The following PPARA variants were observed in gnomAD, a reference collection of about 807,000 sequenced individuals.
PPARA encodes peroxisome proliferator-activated receptor alpha.
Under a neutral mutation model 42.2 loss-of-function variants are expected in PPARA, and 22 were observed. The ratio of observed to expected loss-of-function variants is 0.52; its 90% confidence interval spans 0.37 to 0.74. The LOEUF is 0.74. Ranked by LOEUF, PPARA falls within the 30% of genes least tolerant of loss-of-function variation. The pLI is 0.00. For missense variants in PPARA, 465 were observed against 608.2 expected (o/e 0.76, Z 2.48); for synonymous variants, 242 against 239.3 (o/e 1.01, Z -0.10).
intron 3 of PPARA, among the ~76,000 whole-genome samples, chr22:46,194,568 CTTT>C (rs1158744441): frequency 4.8e-5 from 6 of 125,496 alleles, no homozygotes; most frequent in Admixed American, 8.6e-5. Flanking sequence ...TTGCTTTTTC[CTTT>C]TTTTTTTTTT....
Position 46,200,270 on chromosome 22 carries a change from A to C in PPARA, c.208+1679A>C, listed in dbSNP as rs940930183. 6.6e-6 allele frequency among the ~76,000 whole-genome samples: 1 copy of C among 152,200 alleles called. No individual in the cohort carries two copies. Among genetic ancestry groups the C allele is most frequent in the Non-Finnish European group, 1.5e-5 (1 of 68,036 alleles). On this transcript the variant is annotated intron_variant, in intron 4 of 8. Transcript: ENST00000407236. The surrounding 1 kb of genome is among the most constrained non-coding windows in gnomAD (Gnocchi z 4.8). ...ACAGTCATGTTGCTTAATGACAGGG[A>C]CAGGTTGTGAGAAATGCATCCTTAG...
chr22:46,227,387 G>T lies in PPARA; in HGVS notation c.712-4405G>T, dbSNP rs1487362490. Among the ~76,000 whole-genome samples the T allele has an allele frequency of 1.3e-5, 2 of 152,116 alleles. No individual in the cohort carries two copies. Among genetic ancestry groups the T allele is most frequent in the East Asian group, 1.9e-4 (1 of 5,202 alleles). On this transcript the variant is annotated intron_variant, in intron 7 of 8. Coordinates refer to ENST00000407236, the MANE Select transcript of PPARA (RefSeq NM_005036.6). This position sits in a 1 kb window ranked among gnomAD's most constrained non-coding sequence, Gnocchi z 4.3. ...CTGCCTCAGCCTCCTAAGTAGCTGGGATTACAGGTGCCAGCCACCACACCC... is the reference window on the plus strand; with the variant it reads ...CTGCCTCAGCCTCCTAAGTAGCTGGTATTACAGGTGCCAGCCACCACACCC...
rs1936329156 is a variant in PPARA at position 46,239,953 on chromosome 22, C to A, written c.*4573C>A. ...TTTTGGTCCTGATCCAGTGGCCACACCTGTCTTTGAAATGTCTCACTGAAC... is the reference window on the plus strand; with the variant it reads ...TTTTGGTCCTGATCCAGTGGCCACAACTGTCTTTGAAATGTCTCACTGAAC... On this transcript the variant is annotated 3_prime_UTR_variant, in exon 9 of 9. Coordinates refer to ENST00000407236, the MANE Select transcript of PPARA (RefSeq NM_005036.6). 2.6e-6 allele frequency: 1 copy of A among 387,994 alleles called. No individual in the cohort carries two copies. The highest frequency in any genetic ancestry group is 3.7e-5 in the East Asian group (1 of 27,306). 24.0% of individuals were successfully genotyped at this position (387,994 alleles called of 1,614,324 possible).
At position 46,184,097 on chromosome 22, in the gene PPARA, C is replaced by T. The variant is rs923879875; in HGVS notation, c.-43+7261C>T. 1.3e-5 allele frequency among the ~76,000 whole-genome samples: 2 copies of T among 152,106 alleles called. No homozygotes were observed. The highest frequency in any genetic ancestry group is 2.9e-5 in the Non-Finnish European group (2 of 68,026). ...CAGTGCCTGGCATAGGATAAGGGCTCAAAAAGTGTTAGCTGGAACTACTAT... is the reference window on the plus strand; with the variant it reads ...CAGTGCCTGGCATAGGATAAGGGCTTAAAAAGTGTTAGCTGGAACTACTAT... On this transcript the variant is annotated intron_variant, in intron 3 of 8. Coordinates refer to ENST00000407236, the MANE Select transcript of PPARA (RefSeq NM_005036.6). The surrounding 1 kb of genome is among the most constrained non-coding windows in gnomAD (Gnocchi z 4.4).
rs902973444 is a variant in PPARA, at chr22:46,188,674, G to A, written c.-42-9668G>A. 4.6e-5 allele frequency: 7 copies of A among 152,180 alleles called. No individual in the cohort carries two copies. The highest frequency in any genetic ancestry group is 1.9e-4 in the East Asian group (1 of 5,198). The allele number at this position is 152,180 out of a possible 1,614,324, so 9.4% of individuals were successfully genotyped here. A position where few individuals can be genotyped will look rare whatever the true frequency, so the allele number is the denominator to read the frequency against. On this transcript the variant is annotated intron_variant, in intron 3 of 8. Transcript: ENST00000407236. The surrounding 1 kb of genome is among the most constrained non-coding windows in gnomAD (Gnocchi z 5.0). ...AGCTGCCATTGAGGGCCTGGCCCAC[G>A]TGTGATGTTCAATAATATTATTTCT...
At chr22:46,207,677 A>ATTATTTTTT (rs1555951376) in intron 4 of PPARA, among the ~76,000 whole-genome samples, 14 of 50,722 alleles carry the variant, frequency 2.8e-4, no homozygotes, top group East Asian at 6.2e-4. Context: ...TATTATTATT[A>ATTATTTTTT]TTTTTTTTTT....
chr22:46,194,352 A>G (rs1372013450), intron 3 of PPARA, among the ~76,000 whole-genome samples: 1 of 152,214 alleles, frequency 6.6e-6, no homozygotes. Context: ...AAAAATGATG[A>G]AATTGTAAAA....
rs1601835753 is a variant in PPARA at position 46,235,924 on chromosome 22, C to T, written c.*544C>T. On this transcript the variant is annotated 3_prime_UTR_variant, in exon 9 of 9. Transcript: ENST00000407236. This position sits in a 1 kb window ranked among gnomAD's most constrained non-coding sequence, Gnocchi z 7.0. ...CCTGAATCTAAAGAAAGACAACATG[C>T]TGCTTTTTAATCATAGGATGGAGAA... is the stretch of plus-strand genomic sequence containing the variant. 1 of 165,554 alleles carries T rather than the reference C, an allele frequency of 6.0e-6. No homozygotes were observed. Among genetic ancestry groups the T allele is most frequent in the East Asian group, 1.7e-4 (1 of 5,952 alleles). 10.3% of individuals were successfully genotyped at this position (165,554 alleles called of 1,614,324 possible). A position where few individuals can be genotyped will look rare whatever the true frequency, so the allele number is the denominator to read the frequency against.
chr22:46,223,973 T>G (rs60610697), intron 7 of PPARA, among the ~76,000 whole-genome samples: 28,975 of 147,548 alleles, frequency 0.2, 2,852 homozygotes, highest in Middle Eastern at 0.22. Context: ...AAGAAAGAAA[T>G]GATAGATGAA....
rs1935312345 is a variant in PPARA, at chr22:46,225,117, T to C, written c.711+5103T>C. On this transcript the variant is annotated intron_variant, in intron 7 of 8. Coordinates refer to ENST00000407236, the MANE Select transcript of PPARA (RefSeq NM_005036.6). The surrounding 1 kb of genome is among the most constrained non-coding windows in gnomAD (Gnocchi z 4.1). ...CTGCATGGAGCCGCATAGATGCCAT[T>C]GCTTGAGGAAAGGTGGGCTTTAGCT... Among the ~76,000 whole-genome samples, 1 of 152,086 alleles carries C rather than the reference T, an allele frequency of 6.6e-6. No individual in the cohort carries two copies. Among genetic ancestry groups the C allele is most frequent in the Non-Finnish European group, 1.5e-5 (1 of 68,016 alleles).
At chr22:46,210,582 A>G (rs992299743) in intron 4 of PPARA, among the ~76,000 whole-genome samples, 3 of 151,860 alleles carry the variant, frequency 2.0e-5, no homozygotes, top group Admixed American at 2.0e-4. Context: ...AGCTGGGATT[A>G]CAGGTGCTCA....
At chr22:46,159,890 G>C (rs766432526) in intron 2 of PPARA, among the ~76,000 whole-genome samples, 1 of 152,236 alleles carries the variant, frequency 6.6e-6, no homozygotes, top group Admixed American at 6.5e-5. Flanking sequence ...ATGACACTGA[G>C]GGTGGGTTGT....
rs71192405 is a variant in PPARA at position 46,232,981 on chromosome 22, C to CAA, written c.1159+761_1159+762dup. 2.1e-5 allele frequency among the ~76,000 whole-genome samples: 2 copies of CAA among 93,566 alleles called. No homozygotes were observed. The highest frequency in any genetic ancestry group is 8.9e-4 in the East Asian group (2 of 2,238). The allele number at this position is 93,566 out of a possible 152,430, so 61.4% of individuals were successfully genotyped here. A position where few individuals can be genotyped will look rare whatever the true frequency, so the allele number is the denominator to read the frequency against. ...TGGGCGACGAAGAATGACCCTGTCTCAAAAAAAAAAAAAAAAAAAATTATA... is the reference window on the plus strand; with the variant it reads ...TGGGCGACGAAGAATGACCCTGTCTCAAAAAAAAAAAAAAAAAAAAAATTATA... On this transcript the variant is annotated intron_variant, in intron 8 of 8. Coordinates refer to ENST00000407236, the MANE Select transcript of PPARA (RefSeq NM_005036.6). This position sits in a 1 kb window ranked among gnomAD's most constrained non-coding sequence, Gnocchi z 5.3.
intron 3 of PPARA, 103 bp from the exon 4 acceptor site, chr22:46,198,237 CAA>C (rs398037349): frequency 0.014 from 2,617 of 187,736 alleles, no homozygotes; most frequent in Middle Eastern, 0.023. Flanking sequence ...GACTCTGTCT[CAA>C]AAAAAAAAAA....
In PPARA at chr22:46,235,784, G is replaced by A; in HGVS notation, c.*404G>A. 1 of 282,142 alleles carries A rather than the reference G, an allele frequency of 3.5e-6. No homozygotes were observed. Among genetic ancestry groups the A allele is most frequent in the South Asian group, 3.9e-5 (1 of 25,820 alleles). 17.5% of individuals were successfully genotyped at this position (282,142 alleles called of 1,614,324 possible). A position where few individuals can be genotyped will look rare whatever the true frequency, so the allele number is the denominator to read the frequency against. On this transcript the variant is annotated 3_prime_UTR_variant, in exon 9 of 9. Coordinates refer to ENST00000407236, the MANE Select transcript of PPARA (RefSeq NM_005036.6). This position sits in a 1 kb window ranked among gnomAD's most constrained non-coding sequence, Gnocchi z 7.0. ...GACTATTGTGCTCCTTTATAATTCT[G>A]AAAACTAATCAGCACTTTTTAACAA... is the stretch of plus-strand genomic sequence containing the variant.
At chr22:46,209,699 C>T (rs909915992) in intron 4 of PPARA, among the ~76,000 whole-genome samples, 1 of 152,120 alleles carries the variant, frequency 6.6e-6, no homozygotes, top group African/African-American at 2.4e-5. Flanking sequence ...CATGTCCAGT[C>T]TTTCACTCAG....
Position 46,212,976 on chromosome 22 carries a change from C to G in PPARA, c.209-2197C>G, listed in dbSNP as rs1934083769. Reference sequence around the variant, plus strand: ...TGCCACTCCACTCCAGCCTGGGTGACAGAGTGAGACTCTGTCCCAAAAAGA... The same window carrying G: ...TGCCACTCCACTCCAGCCTGGGTGAGAGAGTGAGACTCTGTCCCAAAAAGA... On this transcript the variant is annotated intron_variant, in intron 4 of 8. Coordinates refer to ENST00000407236, the MANE Select transcript of PPARA (RefSeq NM_005036.6). This position sits in a 1 kb window ranked among gnomAD's most constrained non-coding sequence, Gnocchi z 4.2. Among the ~76,000 whole-genome samples, 1 of 152,154 alleles carries G rather than the reference C, an allele frequency of 6.6e-6. No individual in the cohort carries two copies. The highest frequency in any genetic ancestry group is 1.5e-5 in the Non-Finnish European group (1 of 68,042).
In PPARA at chr22:46,215,554, A is replaced by G. The variant is rs186169220; in HGVS notation, c.369+221A>G. ...GGAGTTCGATACCAGCCTGGCCAAC[A>G]TGATGAAACCCTGTCTCTACTAAAA... is the stretch of plus-strand genomic sequence containing the variant. On this transcript the variant is annotated intron_variant, in intron 5 of 8. Coordinates refer to ENST00000407236, the MANE Select transcript of PPARA (RefSeq NM_005036.6). Among the ~76,000 whole-genome samples, 1,162 of 152,246 alleles carry G rather than the reference A, an allele frequency of 7.6e-3. 7 individuals are homozygous for G. The highest frequency in any genetic ancestry group is 0.044 in the Middle Eastern group (13 of 294).
intron 3 of PPARA, among the ~76,000 whole-genome samples, chr22:46,178,898 A>C (rs1250230193): frequency 2.0e-5 from 3 of 152,210 alleles, no homozygotes; most frequent in African/African-American, 2.4e-5. Context: ...ACAGTGAGAT[A>C]GATCAGAATC....
Sources: allele counts gnomAD v4.1 joint callset (sites outside exome capture counted in the v4.1 genomes callset), GRCh38; gene constraint gnomAD v4.1.1; non-coding constraint Gnocchi (gnomAD v3.1); transcripts MANE v1.5; gene names NCBI Gene and HGNC (gene_info 2026-07-23, HGNC 2026-07-21).